Variants in CTRC observed in about 807,000 individuals in gnomAD.
CTRC encodes the protein chymotrypsin-C.
CTRC carries 32 observed loss-of-function variants against 35.7 expected under a neutral mutation model. The ratio of observed to expected loss-of-function variants is 0.90; its 90% CI spans 0.68 to 1.20. The LOEUF (loss-of-function observed/expected upper bound fraction) is 1.20. CTRC is among the 50% of genes most tolerant of loss of function. The probability of loss-of-function intolerance (pLI) is 0.00; values close to 1 mark genes in which losing one functional copy is unlikely to be tolerated. For synonymous variants in CTRC, 119 were observed against 149.5 expected (o/e 0.80, Z 1.49); for missense variants, 324 against 361.5 (o/e 0.90, Z 0.84).
intron 5 of CTRC, among the ~76,000 whole-genome samples, chr1:15,443,849 T>C (rs113825015): frequency 0.021 from 3,184 of 152,250 alleles, 112 homozygotes; most frequent in African/African-American, 0.072. Flanking sequence ...GGGTAGGGGA[T>C]GACATCTGTG....
rs1052897265 is a variant in CTRC, at chr1:15,447,328, G to A, written c.*739G>A. ...AGACATACGTTTGAAGAAGGCAATG[G>A]TTTCCACACAGAATCACAGTGGTCA... On this transcript the variant is annotated 3_prime_UTR_variant, in exon 8 of 8. Coordinates refer to ENST00000375949, the MANE Select transcript of CTRC (RefSeq NM_007272.3). 1.3e-5 allele frequency: 2 copies of A among 155,066 alleles called. No homozygotes were observed. The highest frequency in any genetic ancestry group is 2.9e-5 in the Non-Finnish European group (2 of 70,000). 9.6% of individuals were successfully genotyped at this position (155,066 alleles called of 1,614,324 possible).
intron 6 of CTRC, 83 bp from the exon 7 acceptor site, chr1:15,445,514 T>C: frequency 6.8e-7 from 1 of 1,470,420 alleles, no homozygotes. Flanking sequence ...CCAACCCACA[T>C]CCCCCACCCC....
At position 15,446,847 on chromosome 1, in the gene CTRC, T is replaced by C. The variant is rs566367169; in HGVS notation, c.*258T>C. 1.7e-4 allele frequency: 103 copies of C among 597,000 alleles called. No individual in the cohort carries two copies. In the African/African-American group the frequency reaches 1.8e-3, roughly 10 times the overall value. 37.0% of individuals were successfully genotyped at this position (597,000 alleles called of 1,614,324 possible). ...GGGGCATTAATGGGAGGCAGGGGGC[T>C]GGGGTGGAGAGCCCAGGGAGTCCTG... On this transcript the variant is annotated 3_prime_UTR_variant, in exon 8 of 8. Coordinates refer to ENST00000375949, the MANE Select transcript of CTRC (RefSeq NM_007272.3).
At chr1:15,440,918 G>A (rs1708123048) in intron 3 of CTRC, among the ~76,000 whole-genome samples, 1 of 152,140 alleles carries the variant, frequency 6.6e-6, no homozygotes, top group African/African-American at 2.4e-5. Context: ...AGTGGCTCAC[G>A]CCTGTAATCA....
intron 5 of CTRC, 93 bp downstream of exon 5, chr1:15,443,648 A>C (rs753913961): frequency 4.7e-4 from 685 of 1,472,946 alleles, no homozygotes; most frequent in Non-Finnish European, 6.3e-4. Context: ...TTGCCTTCAC[A>C]TTTTCATGTC....
intron 4 of CTRC, 99 bp downstream of exon 4, chr1:15,442,671 A>T (rs1463914777): frequency 6.6e-6 from 10 of 1,523,216 alleles, no homozygotes; most frequent in Non-Finnish European, 8.1e-6. Flanking sequence ...CATACCTGAC[A>T]CCCCATCCTC....
chr1:15,446,970 G>A lies in CTRC; in HGVS notation c.*381G>A, dbSNP rs1034581810. The A allele has an allele frequency of 4.1e-5, 15 of 365,132 alleles. No homozygotes were observed. Among genetic ancestry groups the A allele is most frequent in the East Asian group, 6.7e-5 (1 of 14,922 alleles). The allele number at this position is 365,132 out of a possible 1,614,324, so 22.6% of individuals were successfully genotyped here. Reference sequence around the variant, plus strand: ...AGGTGAGACCCTGATGAAATCACTCGCTTCTCCGATCCTACCTCCACCGAG... The same window carrying A: ...AGGTGAGACCCTGATGAAATCACTCACTTCTCCGATCCTACCTCCACCGAG... On this transcript the variant is annotated 3_prime_UTR_variant, in exon 8 of 8. Transcript: ENST00000375949.
At chr1:15,442,834 G>A (rs939865965) in intron 4 of CTRC, among the ~76,000 whole-genome samples, 6 of 152,018 alleles carry the variant, frequency 3.9e-5, no homozygotes, top group African/African-American at 1.2e-4. Context: ...CTGGGCCAGC[G>A]CTCACCTTTA....
intron 3 of CTRC, among the ~76,000 whole-genome samples, chr1:15,441,462 G>T (rs903998886): frequency 6.6e-6 from 1 of 152,054 alleles, no homozygotes; most frequent in Non-Finnish European, 1.5e-5. Flanking sequence ...AGCCGGTGTG[G>T]CAGGGGCAGC....
At chr1:15,446,525 T>G (rs2103293871) in intron 7 of CTRC, 50 bp from the exon 8 acceptor site, 1 of 1,576,208 alleles carries the variant, frequency 6.3e-7, no homozygotes, top group Non-Finnish European at 8.7e-7. Flanking sequence ...TGTGCCACCC[T>G]AGAAGGTGGC....
At position 15,448,827 on chromosome 1, in the gene CTRC, A is replaced by C. The variant is rs1293107341; in HGVS notation, c.*2238A>C. 6.6e-6 allele frequency: 1 copy of C among 152,098 alleles called. No homozygotes were observed. Among genetic ancestry groups the C allele is most frequent in the African/African-American group, 2.4e-5 (1 of 41,396 alleles). The allele number at this position is 152,098 out of a possible 1,614,324, so 9.4% of individuals were successfully genotyped here. On this transcript the variant is annotated 3_prime_UTR_variant, in exon 8 of 8. Coordinates refer to ENST00000375949, the MANE Select transcript of CTRC (RefSeq NM_007272.3). ...TATCTTCTTTTGTGTATGTCTTTATATTGGGGGTTATAAATGCTAAATGCT... is the reference window on the plus strand; with the variant it reads ...TATCTTCTTTTGTGTATGTCTTTATCTTGGGGGTTATAAATGCTAAATGCT...
At chr1:15,443,645 C>T (rs1375846931) in intron 5 of CTRC, 90 bp downstream of exon 5, 1 of 1,500,976 alleles carries the variant, frequency 6.7e-7, no homozygotes, top group Non-Finnish European at 9.3e-7. Flanking sequence ...TTTTTGCCTT[C>T]ACATTTTCAT....
At chr1:15,440,613 G>A (rs763886872) in intron 3 of CTRC, 23 bp downstream of exon 3, 1 of 1,610,002 alleles carries the variant, frequency 6.2e-7, no homozygotes, top group Non-Finnish European at 8.5e-7. Context: ...GATACCCTGA[G>A]ACCTGGCCAT....
chr1:15,448,972 C>A lies in CTRC; in HGVS notation c.*2383C>A, dbSNP rs1708257810. The A allele has an allele frequency of 6.6e-6, 1 of 152,158 alleles. No homozygotes were observed. Among genetic ancestry groups the A allele is most frequent in the East Asian group, 1.9e-4 (1 of 5,200 alleles). 9.4% of individuals were successfully genotyped at this position (152,158 alleles called of 1,614,324 possible). On this transcript the variant is annotated 3_prime_UTR_variant, in exon 8 of 8. Coordinates refer to ENST00000375949, the MANE Select transcript of CTRC (RefSeq NM_007272.3). ...TATTGGGCACTTAGTATGTGCCAAG[C>A]ACTATCCTATAGGTTTTACATTATC... is the stretch of plus-strand genomic sequence containing the variant.
In CTRC at chr1:15,439,713, C is replaced by T. The variant is rs150303505; in HGVS notation, c.41-587C>T. Among the ~76,000 whole-genome samples the T allele has an allele frequency of 4.6e-3, 697 of 152,294 alleles. 8 individuals are homozygous for T. Among genetic ancestry groups the T allele is most frequent in the African/African-American group, 0.016 (655 of 41,570 alleles). On this transcript the variant is annotated intron_variant, in intron 1 of 7. Coordinates refer to ENST00000375949, the MANE Select transcript of CTRC (RefSeq NM_007272.3). ...CAGAAGAACACAGGTGTACCGGGCA[C>T]TCGCACACATGCCAGCCAGTTTTGT...
At chr1:15,445,775 C>T in intron 7 of CTRC, 26 bp downstream of exon 7, 1 of 1,613,522 alleles carries the variant, frequency 6.2e-7, no homozygotes, top group Non-Finnish European at 8.5e-7. Context: ...ACAGCTGTCC[C>T]TGCACCTGTC....
chr1:15,443,348 C>G (rs1055145095), intron 4 of CTRC, 71 bp from the exon 5 acceptor site: 1 of 1,602,570 alleles, frequency 6.2e-7, no homozygotes, highest in Non-Finnish European at 8.5e-7. Context: ...ACTCACAGCC[C>G]GAGCCCCTTA....
chr1:15,440,422 T>G (rs750844200), intron 2 of CTRC, 31 bp downstream of exon 2: 1 of 1,612,398 alleles, frequency 6.2e-7, no homozygotes, highest in Non-Finnish European at 8.5e-7. Flanking sequence ...GAGGTACAGA[T>G]AGAGAGGGTG....
At chr1:15,440,237 C>CCCCCCTT in intron 1 of CTRC, 63 bp from the exon 2 acceptor site, 3 of 761,366 alleles carry the variant, frequency 3.9e-6, no homozygotes, top group South Asian at 1.5e-5. Context: ...CCCACCCTCC[C>CCCCCCTT]ACCCCTTTCC....
Sources: gnomAD v4.1 joint callset for allele counts (sites outside exome capture counted in the v4.1 genomes callset) on GRCh38, gnomAD v4.1.1 for gene constraint, MANE v1.5 for transcripts, NCBI Gene and HGNC (gene_info 2026-07-23, HGNC 2026-07-21) for gene names.